Variants in NRXN2 observed in about 807,000 individuals in gnomAD.
NRXN2 encodes the protein neurexin 2, also known as neurexin-2-beta.
A neutral mutation model predicts 128.8 loss-of-function variants in NRXN2; 29 were observed. The observed-to-expected ratio is 0.23, with a 90% CI of 0.17 to 0.31. The LOEUF (loss-of-function observed/expected upper bound fraction) is 0.31. Ranked by LOEUF, NRXN2 falls within the 10% of genes least tolerant of loss-of-function variation. NRXN2 has a pLI of 1.00. For synonymous variants in NRXN2, 1,098 were observed against 1,075.2 expected (o/e 1.02, Z -0.41); for missense variants, 1,881 against 2,452.6 (o/e 0.77, Z 4.92).
chr11:64,653,677 G>A lies in NRXN2; in HGVS notation c.2416+19C>T, dbSNP rs995635045. 3 of 1,592,886 alleles carry A rather than the reference G, an allele frequency of 1.9e-6. No individual in the cohort carries two copies. Among genetic ancestry groups the A allele is most frequent in the African/African-American group, 1.3e-5 (1 of 74,838 alleles). On this transcript the variant is annotated intron_variant, in intron 12 of 22. Transcript: ENST00000265459. ...CCAGTCCCCTTGGGTCTCTGCAGAA[G>A]AAGAGGGAAGCCACTTACTGGGTGC...
At position 64,651,716 on chromosome 11, in the gene NRXN2, C is replaced by G; in HGVS notation, c.2537-80G>C. 1 of 1,487,818 alleles carries G rather than the reference C, an allele frequency of 6.7e-7. No individual in the cohort carries two copies. The highest frequency in any genetic ancestry group is 9.3e-7 in the Non-Finnish European group (1 of 1,079,544). The allele number at this position is 1,487,818 out of a possible 1,614,324, so 92.2% of individuals were successfully genotyped here. On this transcript the variant is annotated intron_variant, in intron 13 of 22. Transcript: ENST00000265459. This position sits in a 1 kb window ranked among gnomAD's most constrained non-coding sequence, Gnocchi z 5.9. ...CTTGGGTTCCCAGGAGCCTCCCCTC[C>G]ACAGGAGGGCCACCCATGAGTGACA... is the stretch of plus-strand genomic sequence containing the variant.
At chr11:64,720,510 C>T (rs1242001332) in intron 1 of NRXN2, among the ~76,000 whole-genome samples, 2 of 151,938 alleles carry the variant, frequency 1.3e-5, no homozygotes, top group Admixed American at 6.6e-5. Flanking sequence ...CCCAGGGAAA[C>T]CAGGTGTAGG....
At chr11:64,688,134 AG>A (rs1388993118) in intron 5 of NRXN2, among the ~76,000 whole-genome samples, 1 of 152,250 alleles carries the variant, frequency 6.6e-6, no homozygotes, top group African/African-American at 2.4e-5. Flanking sequence ...GCCAGCAAAA[AG>A]GAAAGAGGCG....
At chr11:64,702,550 A>C (rs578146066) in intron 2 of NRXN2, among the ~76,000 whole-genome samples, 70 of 152,164 alleles carry the variant, frequency 4.6e-4, no homozygotes, top group Admixed American at 2.6e-4. Context: ...TCAGGGTTGA[A>C]TGGATTAAGG....
At position 64,714,745 on chromosome 11, in the gene NRXN2, C is replaced by A. The variant is rs1290609793; in HGVS notation, c.-244-802G>T. On this transcript the variant is annotated intron_variant, in intron 1 of 22. Coordinates refer to ENST00000265459, the MANE Select transcript of NRXN2 (RefSeq NM_015080.4). This position sits in a 1 kb window ranked among gnomAD's most constrained non-coding sequence, Gnocchi z 4.5. ...TTTACCCCTCAGTTCCCTCTGCCCA[C>A]CCCCCACCCAAGATTGGGGGAGCCA... 6.6e-6 allele frequency among the ~76,000 whole-genome samples: 1 copy of A among 151,820 alleles called. No individual in the cohort carries two copies.
rs141459078 is a variant in NRXN2, at chr11:64,626,534, C to T, written c.3776G>A (p.Arg1259His). 1.9e-6 allele frequency: 3 copies of T among 1,613,936 alleles called. No homozygotes were observed. The highest frequency in any genetic ancestry group is 1.3e-5 in the African/African-American group (1 of 74,892). ...GATTCTCTGTCTAGCAATCGCCAGGCGCTCGTTATCAAAGTTTCCTTGGAA... is the reference window on the plus strand; with the variant it reads ...GATTCTCTGTCTAGCAATCGCCAGGTGCTCGTTATCAAAGTTTCCTTGGAA... ...RYPAGNFDNE[R>H]LAIARQRIPY... Residue 1259 changes from arginine (R) to histidine (H), a missense_variant, in exon 20 of 23, where the codon CGC becomes CAC. Transcript: ENST00000265459.
rs544020620 is a variant in NRXN2 at position 64,608,030 on chromosome 11, G to A, written c.4305C>T (p.Pro1435=). The A allele has an allele frequency of 3.4e-5, 53 of 1,568,670 alleles. No individual in the cohort carries two copies. In the African/African-American group the frequency reaches 6.7e-4, roughly 20 times the overall value. Residue 1435 remains proline (P), a synonymous_variant, in exon 23 of 23, where the codon CCC becomes CCT. Coordinates refer to ENST00000265459, the MANE Select transcript of NRXN2 (RefSeq NM_015080.4). The part of the protein sequence containing the change: ...IITEDSLDPP[P]VATRSPFVPP... ...GCACGAAGGGGGATCGGGTGGCCAC[G>A]GGAGGGGGGTCTAAGGAGTCCTCCG...
At chr11:64,653,769 T>G in intron 11 of NRXN2, 47 bp from the exon 12 acceptor site, 2 of 1,393,412 alleles carry the variant, frequency 1.4e-6, no homozygotes, top group Middle Eastern at 1.9e-4. Context: ...GACAAAAAGG[T>G]AAAACAAGTT....
rs1426759738 is a variant in NRXN2, at chr11:64,607,376, G to A, written c.4959C>T (p.Leu1653=). 1 of 1,613,660 alleles carries A rather than the reference G, an allele frequency of 6.2e-7. No homozygotes were observed. Among genetic ancestry groups the A allele is most frequent in the Non-Finnish European group, 8.5e-7 (1 of 1,179,952 alleles). The change falls in exon 23 of 23, where the codon CTC becomes CTT. Residue 1653 remains leucine, a synonymous_variant. Coordinates refer to ENST00000265459, the MANE Select transcript of NRXN2 (RefSeq NM_015080.4). ...TGCGGTACTTATACATGGCGTAGAG[G>A]AGGATGAGGATGCAGAGCGCCGCCG... ...VAAAALCILI[L]LYAMYKYRNR... is the part of the protein sequence containing the mutation.
Position 64,648,904 on chromosome 11 carries a change from T to TC in NRXN2, c.3112dup (p.Glu1038GlyfsTer57). The TC allele has an allele frequency of 6.2e-7, 1 of 1,614,020 alleles. No homozygotes were observed. Among genetic ancestry groups the TC allele is most frequent in the Non-Finnish European group, 8.5e-7 (1 of 1,179,974 alleles). ...CTTGCTCAGACCGCCAATGTACAAC[T>TC]CCCCTGCAAAGGGAGTGGGTCAACC... On this transcript the variant is annotated frameshift_variant, in exon 16 of 23. Coordinates refer to ENST00000265459, the MANE Select transcript of NRXN2 (RefSeq NM_015080.4). LOFTEE classifies it high-confidence loss of function. This position sits in a 1 kb window ranked among gnomAD's most constrained non-coding sequence, Gnocchi z 4.1.
intron 20 of NRXN2, among the ~76,000 whole-genome samples, chr11:64,625,893 C>T (rs2043004383): frequency 6.6e-6 from 1 of 152,170 alleles, no homozygotes; most frequent in South Asian, 2.1e-4. Context: ...TGGGCTTGTT[C>T]CAGAGATAGC....
At chr11:64,712,731 C>T (rs776818988) in intron 2 of NRXN2, 12 of 663,282 alleles carry the variant, frequency 1.8e-5, no homozygotes, top group African/African-American at 5.4e-5. Flanking sequence ...CACAGGTCGC[C>T]GCAGGACTCA....
chr11:64,695,390 T>C (rs2054367007), intron 3 of NRXN2, among the ~76,000 whole-genome samples: 1 of 152,004 alleles, frequency 6.6e-6, no homozygotes, highest in African/African-American at 2.4e-5. Flanking sequence ...AGCAGGATCT[T>C]GGGGTTCCTG....
At chr11:64,616,570 C>T (rs147132250) in intron 22 of NRXN2, among the ~76,000 whole-genome samples, 38 of 152,152 alleles carry the variant, frequency 2.5e-4, no homozygotes, top group Admixed American at 1.5e-3. Context: ...TCTGTGAGTC[C>T]GAGGGCGTGT....
At chr11:64,708,522 C>A (rs1227638247) in intron 2 of NRXN2, among the ~76,000 whole-genome samples, 1 of 152,206 alleles carries the variant, frequency 6.6e-6, no homozygotes. Flanking sequence ...GGTAGACAGA[C>A]TCAGCCACTC....
intron 9 of NRXN2, among the ~76,000 whole-genome samples, chr11:64,664,109 A>G (rs976741423): frequency 1.3e-5 from 2 of 152,198 alleles, no homozygotes; most frequent in East Asian, 3.8e-4. Flanking sequence ...AGTTCTGGAG[A>G]TAAACAATAG....
rs1592072624 is a variant in NRXN2, at chr11:64,681,150, T to C, written c.1153-4113A>G. 6.9e-5 allele frequency among the ~76,000 whole-genome samples: 10 copies of C among 145,802 alleles called. No individual in the cohort carries two copies. In the South Asian group the frequency reaches 2.2e-3, roughly 32 times the overall value. On this transcript the variant is annotated intron_variant, in intron 6 of 22. Transcript: ENST00000265459. Reference sequence around the variant, plus strand: ...AAAAAGTGAATTGTGAATTGGAGGGTTTTTTTTCCAAGAGGACAAGAAGTA... The same window carrying C: ...AAAAAGTGAATTGTGAATTGGAGGGCTTTTTTTCCAAGAGGACAAGAAGTA...
chr11:64,608,264 C>T (rs1281355808), intron 22 of NRXN2, among the ~76,000 whole-genome samples, 182 bp from the exon 23 acceptor site: 2 of 152,194 alleles, frequency 1.3e-5, no homozygotes, highest in Non-Finnish European at 2.9e-5. Context: ...AAGCGGGCAG[C>T]GGCTCAGATG....
Position 64,635,054 on chromosome 11 carries a change from T to C in NRXN2, c.3585+217A>G, listed in dbSNP as rs1398969232. ...GGGAGCTGGAGAAATTCGAATCAGATGGGAGGGTGGATCTGGGAGTCTTGG... is the reference window on the plus strand; with the variant it reads ...GGGAGCTGGAGAAATTCGAATCAGACGGGAGGGTGGATCTGGGAGTCTTGG... On this transcript the variant is annotated intron_variant, in intron 18 of 22. Coordinates refer to ENST00000265459, the MANE Select transcript of NRXN2 (RefSeq NM_015080.4). The surrounding 1 kb of genome is among the most constrained non-coding windows in gnomAD (Gnocchi z 4.8). 6.6e-6 allele frequency among the ~76,000 whole-genome samples: 1 copy of C among 151,804 alleles called. No homozygotes were observed. The highest frequency in any genetic ancestry group is 1.5e-5 in the Non-Finnish European group (1 of 67,896).
Sources: allele counts gnomAD v4.1 joint callset (sites outside exome capture counted in the v4.1 genomes callset), GRCh38; gene constraint gnomAD v4.1.1; non-coding constraint Gnocchi (gnomAD v3.1); transcripts MANE v1.5; gene names NCBI Gene and HGNC (gene_info 2026-07-23, HGNC 2026-07-21).